The following RNF40 variants were observed in gnomAD, a reference collection of about 807,000 sequenced individuals.
RNF40 encodes E3 ubiquitin-protein ligase BRE1B.
In RNF40, 39 loss-of-function variants were observed where a neutral mutation model predicts 123.3. That is an observed-to-expected ratio of 0.32 (90% CI 0.24 to 0.41). The LOEUF is 0.41. RNF40 is among the 10% of genes least tolerant of loss of function. RNF40 has a pLI of 1.00. For synonymous variants in RNF40, 538 were observed against 526.0 expected (o/e 1.02, Z -0.31); for missense variants, 1,003 against 1,319.9 (o/e 0.76, Z 3.72).
Position 30,762,988 on chromosome 16 carries a change from T to C in RNF40, c.133-130T>C, listed in dbSNP as rs772071715. The C allele has an allele frequency of 7.1e-5, 74 of 1,038,782 alleles. 1 individual carries two copies. The East Asian group carries it at 1.6e-3, about 22-fold the overall frequency. 64.3% of individuals were successfully genotyped at this position (1,038,782 alleles called of 1,614,324 possible). On this transcript the variant is annotated intron_variant, in intron 2 of 19. Coordinates refer to ENST00000324685, the MANE Select transcript of RNF40 (RefSeq NM_014771.4). Reference sequence around the variant, plus strand: ...GTGTTGTCTGAGCCTCCTTAGATTCTGTTAGCGGTTAGTGTGGGAATACCT... The same window carrying C: ...GTGTTGTCTGAGCCTCCTTAGATTCCGTTAGCGGTTAGTGTGGGAATACCT...
chr16:30,769,747 C>T, intron 17 of RNF40, 147 bp downstream of exon 17: 1 of 862,148 alleles, frequency 1.2e-6, no homozygotes, highest in Non-Finnish European at 1.7e-6. Flanking sequence ...TTACATGTGC[C>T]AGACCACATG....
rs146102570 is a variant in RNF40, at chr16:30,766,772, G to A, written c.1325G>A (p.Arg442His). 17 of 1,614,092 alleles carry A rather than the reference G, an allele frequency of 1.1e-5. No homozygotes were observed. Among genetic ancestry groups the A allele is most frequent in the Non-Finnish European group, 1.4e-5 (16 of 1,180,030 alleles). ...SDELGLQKKL[R>H]TEVIQLEDTL... ...GAGCTGGGGCTGCAGAAGAAGCTACGCACAGAGGTCATTCAGCTGGAGGAC... is the reference window on the plus strand; with the variant it reads ...GAGCTGGGGCTGCAGAAGAAGCTACACACAGAGGTCATTCAGCTGGAGGAC... Residue 442 changes from arginine to histidine, a missense_variant, in exon 11 of 20, where the codon CGC becomes CAC. Physicochemically the swap from Arg to His is conservative, Grantham distance 29. This residue lies in a region of RNF40 where 274 missense variants were observed against 356.9 expected (regional missense o/e 0.77). Transcript: ENST00000324685. The surrounding 1 kb of genome is among the most constrained non-coding windows in gnomAD (Gnocchi z 5.4).
chr16:30,772,218 A>G (rs1188869798), intron 19 of RNF40, 28 bp downstream of exon 19: 10 of 1,513,766 alleles, frequency 6.6e-6, no homozygotes, highest in South Asian at 2.4e-5. Flanking sequence ...GTTGTGCCCT[A>G]TCCACCTGAG....
chr16:30,766,792 G>A lies in RNF40; in HGVS notation c.1345G>A (p.Glu449Lys), dbSNP rs1198172328. 1 of 1,613,964 alleles carries A rather than the reference G, an allele frequency of 6.2e-7. No homozygotes were observed. Among genetic ancestry groups the A allele is most frequent in the Non-Finnish European group, 8.5e-7 (1 of 1,180,024 alleles). Residue 449 changes from glutamate (E) to lysine (K), a missense_variant, in exon 11 of 20, where the codon GAG becomes AAG. Glu to Lys is a moderately conservative substitution (Grantham distance 56). Coordinates refer to ENST00000324685, the MANE Select transcript of RNF40 (RefSeq NM_014771.4). The surrounding 1 kb of genome is among the most constrained non-coding windows in gnomAD (Gnocchi z 5.4). ...GCTACGCACAGAGGTCATTCAGCTG[G>A]AGGACACGCTGGCCCAGGTACGCAA... is the stretch of plus-strand genomic sequence containing the variant. Reference protein sequence around the residue: ...KKLRTEVIQLEDTLAQVRKEY... With the variant: ...KKLRTEVIQLKDTLAQVRKEY...
Position 30,764,205 on chromosome 16 carries a change from CCT to C in RNF40, c.473_474del (p.Leu158GlnfsTer2). 6.2e-7 allele frequency: 1 copy of C among 1,611,046 alleles called. No individual in the cohort carries two copies. The highest frequency in any genetic ancestry group is 8.5e-7 in the Non-Finnish European group (1 of 1,178,584). On this transcript the variant is annotated frameshift_variant, in exon 5 of 20. Coordinates refer to ENST00000324685, the MANE Select transcript of RNF40 (RefSeq NM_014771.4). LOFTEE classifies it high-confidence loss of function. ...RDPLLMQLRP[P>X]LSEPALAFVV... is the part of the protein sequence containing the mutation. ...CCCCTTGCTGATGCAGCTGCGGCCCCCTCTCAGTGAGCCGGCCTTGGCTTTTG... is the reference window on the plus strand; with the variant it reads ...CCCCTTGCTGATGCAGCTGCGGCCCCCTCAGTGAGCCGGCCTTGGCTTTTG...
In RNF40 at chr16:30,766,800, G is replaced by T; in HGVS notation, c.1353G>T (p.Thr451=). The change falls in exon 11 of 20, where the codon ACG becomes ACT. Residue 451 remains threonine, a synonymous_variant. Transcript: ENST00000324685. This position sits in a 1 kb window ranked among gnomAD's most constrained non-coding sequence, Gnocchi z 5.4. ...LRTEVIQLED[T]LAQVRKEYEM... is the part of the protein sequence containing the mutation. ...CAGAGGTCATTCAGCTGGAGGACAC[G>T]CTGGCCCAGGTACGCAAGGAGTATG... The T allele has an allele frequency of 1.2e-6, 2 of 1,614,044 alleles. No individual in the cohort carries two copies. The highest frequency in any genetic ancestry group is 1.7e-6 in the Non-Finnish European group (2 of 1,180,004).
rs1180266218 is a variant in RNF40, at chr16:30,766,991, C to T, written c.1429+115C>T. On this transcript the variant is annotated intron_variant, in intron 11 of 19. Coordinates refer to ENST00000324685, the MANE Select transcript of RNF40 (RefSeq NM_014771.4). The surrounding 1 kb of genome is among the most constrained non-coding windows in gnomAD (Gnocchi z 5.4). Reference sequence around the variant, plus strand: ...TAAGGCCTTTTTTTTCACAGAGCCTCGGCTTCCTATGCAAAACAGGGCCTG... The same window carrying T: ...TAAGGCCTTTTTTTTCACAGAGCCTTGGCTTCCTATGCAAAACAGGGCCTG... The T allele has an allele frequency of 8.2e-6, 11 of 1,339,960 alleles. No individual in the cohort carries two copies. The highest frequency in any genetic ancestry group is 7.5e-5 in the East Asian group (3 of 40,026). The allele number at this position is 1,339,960 out of a possible 1,614,324, so 83.0% of individuals were successfully genotyped here. A position where few individuals can be genotyped will look rare whatever the true frequency, so the allele number is the denominator to read the frequency against.
upstream of RNF40, chr16:30,761,689 A>G: frequency 6.5e-7 from 1 of 1,535,676 alleles, no homozygotes; most frequent in Non-Finnish European, 8.7e-7. Context: ...GCTCGGAGAG[A>G]TGTTCAAGCT....
Position 30,762,533 on chromosome 16 carries a change from A to G in RNF40, c.-13A>G. ...CCCTCAGGGGACCCTGCATCGCTCCAGCCGCCGCGGCCATGTCTGGGCCAG... is the reference window on the plus strand; with the variant it reads ...CCCTCAGGGGACCCTGCATCGCTCCGGCCGCCGCGGCCATGTCTGGGCCAG... On this transcript the variant is annotated 5_prime_UTR_variant, in exon 2 of 20. Coordinates refer to ENST00000324685, the MANE Select transcript of RNF40 (RefSeq NM_014771.4). 1.3e-6 allele frequency: 2 copies of G among 1,580,388 alleles called. No individual in the cohort carries two copies. Among genetic ancestry groups the G allele is most frequent in the Non-Finnish European group, 1.7e-6 (2 of 1,172,820 alleles).
chr16:30,766,655 T>A lies in RNF40; in HGVS notation c.1294-86T>A. On this transcript the variant is annotated intron_variant, in intron 10 of 19. Coordinates refer to ENST00000324685, the MANE Select transcript of RNF40 (RefSeq NM_014771.4). The surrounding 1 kb of genome is among the most constrained non-coding windows in gnomAD (Gnocchi z 5.4). ...CGAGGCCCTGTGTGCCAGCCAGGGG[T>A]CCCTGGGGAATAGATTCTTCCTAAG... is the stretch of plus-strand genomic sequence containing the variant. 3 of 1,588,878 alleles carry A rather than the reference T, an allele frequency of 1.9e-6. No individual in the cohort carries two copies.
Position 30,766,918 on chromosome 16 carries a change from A to G in RNF40, c.1429+42A>G. On this transcript the variant is annotated intron_variant, in intron 11 of 19. Coordinates refer to ENST00000324685, the MANE Select transcript of RNF40 (RefSeq NM_014771.4). The surrounding 1 kb of genome is among the most constrained non-coding windows in gnomAD (Gnocchi z 5.4). ...GGGCGGAGGTGGGGCCTTATCTGGG[A>G]GTGCTGGGCCCTGGTGTGGGGCTGC... The G allele has an allele frequency of 6.2e-7, 1 of 1,601,424 alleles. No individual in the cohort carries two copies. The highest frequency in any genetic ancestry group is 1.1e-5 in the South Asian group (1 of 89,968).
rs1352040199 is a variant in RNF40 at position 30,765,289 on chromosome 16, C to G, written c.880C>G (p.Gln294Glu). Residue 294 changes from glutamine (Q) to glutamate (E), a missense_variant, in exon 7 of 20, where the codon CAA becomes GAA. This residue lies in a region of RNF40 where 274 missense variants were observed against 356.9 expected (regional missense o/e 0.77). Transcript: ENST00000324685. ...WDIEKLRKRE[Q>E]KLNKHLAEAL... ...CATCGAGAAGCTGCGGAAGCGAGAG[C>G]AAAAGCTCAATAAGCACCTGGCAGA... 1 of 1,614,212 alleles carries G rather than the reference C, an allele frequency of 6.2e-7. No individual in the cohort carries two copies. Among genetic ancestry groups the G allele is most frequent in the Admixed American group, 1.7e-5 (1 of 60,030 alleles).
rs143962429 is a variant in RNF40 at position 30,763,428 on chromosome 16, C to G, written c.311C>G (p.Thr104Ser). The G allele has an allele frequency of 5.0e-6, 8 of 1,604,754 alleles. No individual in the cohort carries two copies. The highest frequency in any genetic ancestry group is 1.3e-5 in the African/African-American group (1 of 74,370). ...VNRYWAQLDETVEALLRCHES... is the reference protein window; with the variant it reads ...VNRYWAQLDESVEALLRCHES... Reference sequence around the variant, plus strand: ...GTTTTCTCCTTCCAGCTGGATGAAACTGTGGAAGCCCTTCTCCGATGCCAT... The same window carrying G: ...GTTTTCTCCTTCCAGCTGGATGAAAGTGTGGAAGCCCTTCTCCGATGCCAT... The change falls in exon 4 of 20, where the codon ACT (threonine) becomes AGT (serine). Residue 104 changes from threonine (T) to serine (S), a missense_variant. This residue lies in a region of RNF40 where 104 missense variants were observed against 85.2 expected (regional missense o/e 1.22). Coordinates refer to ENST00000324685, the MANE Select transcript of RNF40 (RefSeq NM_014771.4).
At position 30,768,058 on chromosome 16, in the gene RNF40, G is replaced by A; in HGVS notation, c.1551+43G>A. The stretch of plus-strand genomic sequence containing the variant: ...TGGGAAAAGGTTTGGCTAGACTCCA[G>A]TGAACACCATCTGACTTCATCCCTC... On this transcript the variant is annotated intron_variant, in intron 12 of 19. Transcript: ENST00000324685. This position sits in a 1 kb window ranked among gnomAD's most constrained non-coding sequence, Gnocchi z 4.1. 6.2e-7 allele frequency: 1 copy of A among 1,614,136 alleles called. No individual in the cohort carries two copies. The highest frequency in any genetic ancestry group is 8.5e-7 in the Non-Finnish European group (1 of 1,180,002).
In RNF40 at chr16:30,768,839, T is replaced by G; in HGVS notation, c.2099T>G (p.Val700Gly). 6.2e-7 allele frequency: 1 copy of G among 1,614,210 alleles called. No individual in the cohort carries two copies. The highest frequency in any genetic ancestry group is 8.5e-7 in the Non-Finnish European group (1 of 1,180,024). Residue 700 changes from valine (V) to glycine (G), a missense_variant and splice_region_variant, in exon 15 of 20, where the codon GTT becomes GGT. Val to Gly is a moderately radical substitution (Grantham distance 109). This residue lies in a region of RNF40 where 295 missense variants were observed against 331.7 expected (regional missense o/e 0.89). Coordinates refer to ENST00000324685, the MANE Select transcript of RNF40 (RefSeq NM_014771.4). The surrounding 1 kb of genome is among the most constrained non-coding windows in gnomAD (Gnocchi z 4.1). Reference sequence around the variant, plus strand: ...AGTTTCTTCTTCCCTGTGCTATAGGTTGATGAGCTGCGGAGCCGCATCCGG... The same window carrying G: ...AGTTTCTTCTTCCCTGTGCTATAGGGTGATGAGCTGCGGAGCCGCATCCGG... ...MAAERKAKAE[V>G]DELRSRIREL... is the part of the protein sequence containing the mutation.
At chr16:30,762,699 C>G in intron 2 of RNF40, 22 bp downstream of exon 2, 1 of 1,608,382 alleles carries the variant, frequency 6.2e-7, no homozygotes, top group Non-Finnish European at 8.5e-7. Flanking sequence ...CTTGCCTTAA[C>G]CCTCAGAACT....
chr16:30,770,079 ACAAGAG>A (rs1209929132), intron 17 of RNF40, among the ~76,000 whole-genome samples: 1 of 147,602 alleles, frequency 6.8e-6, no homozygotes, highest in Admixed American at 6.8e-5. Context: ...AGTCTGGGTG[ACAAGAG>A]CGAGACTCTG....
chr16:30,774,775 T>C lies in RNF40; in HGVS notation c.*661T>C. ...TCTTGCAGGTGCTGAACCAACATCA[T>C]CAGTTTCTATTCTAATCAGGCCCCT... On this transcript the variant is annotated 3_prime_UTR_variant, in exon 20 of 20. Coordinates refer to ENST00000324685, the MANE Select transcript of RNF40 (RefSeq NM_014771.4). 2.9e-6 allele frequency: 1 copy of C among 349,060 alleles called. No individual in the cohort carries two copies. Among genetic ancestry groups the C allele is most frequent in the South Asian group, 2.1e-5 (1 of 46,652 alleles). 21.6% of individuals were successfully genotyped at this position (349,060 alleles called of 1,614,324 possible).
chr16:30,764,038 T>C lies in RNF40; in HGVS notation c.443-141T>C, dbSNP rs961686512. On this transcript the variant is annotated intron_variant, in intron 4 of 19. Coordinates refer to ENST00000324685, the MANE Select transcript of RNF40 (RefSeq NM_014771.4). ...CCTCCCTGAATTTCATTTGTCTCACTTTCAGGATGGAGATAATAGTGCACT... is the reference window on the plus strand; with the variant it reads ...CCTCCCTGAATTTCATTTGTCTCACCTTCAGGATGGAGATAATAGTGCACT... 4 of 675,180 alleles carry C rather than the reference T, an allele frequency of 5.9e-6. No individual in the cohort carries two copies. The Admixed American group carries it at 1.2e-4, about 21-fold the overall frequency. 41.8% of individuals were successfully genotyped at this position (675,180 alleles called of 1,614,324 possible).
Sources: allele counts gnomAD v4.1 joint callset (sites outside exome capture counted in the v4.1 genomes callset), GRCh38; gene constraint gnomAD v4.1.1; regional missense constraint gnomAD v4.1.1; non-coding constraint Gnocchi (gnomAD v3.1); transcripts MANE v1.5; gene names NCBI Gene and HGNC (gene_info 2026-07-23, HGNC 2026-07-21).